The following CFAP299 variants were observed in gnomAD, a reference collection of about 807,000 sequenced individuals.
The protein encoded by CFAP299 is cilia and flagella associated protein 299.
Under a neutral mutation model 27.0 loss-of-function variants are expected in CFAP299, and 21 were observed. The observed-to-expected ratio is 0.78, with a 90% CI of 0.55 to 1.12. The LOEUF is 1.12. CFAP299 is among the 50% of genes most tolerant of loss of function. The pLI, the probability that CFAP299 is intolerant of heterozygous loss-of-function variation, is 0.00. For missense variants in CFAP299, 310 were observed against 276.6 expected (o/e 1.12, Z -0.86); for synonymous variants, 104 against 98.1 (o/e 1.06, Z -0.36).
chr4:80,584,015 C>A (rs192844984), intron 3 of CFAP299, among the ~76,000 whole-genome samples: 40 of 151,920 alleles, frequency 2.6e-4, no homozygotes, highest in African/African-American at 9.6e-4. Context: ...GCAGGCAAAA[C>A]CCTCAATGTA....
chr4:80,529,034 TG>T (rs1733327632), intron 2 of CFAP299, among the ~76,000 whole-genome samples: 1 of 152,168 alleles, frequency 6.6e-6, no homozygotes, highest in South Asian at 2.1e-4. Context: ...CTTCTTTACT[TG>T]CCTTCAAAAT....
intron 2 of CFAP299, among the ~76,000 whole-genome samples, chr4:80,506,655 T>A (rs915076581): frequency 6.6e-6 from 1 of 152,090 alleles, no homozygotes; most frequent in Admixed American, 6.6e-5. Context: ...GTAGAAAAAA[T>A]TTGTCTTTGT....
chr4:80,532,395 T>C (rs190875965), intron 2 of CFAP299, among the ~76,000 whole-genome samples: 1 of 152,322 alleles, frequency 6.6e-6, no homozygotes, highest in East Asian at 1.9e-4. Context: ...ATAATCTTTT[T>C]GACTTTTTAA....
chr4:80,657,910 G>C (rs1277663693), intron 3 of CFAP299, among the ~76,000 whole-genome samples: 1 of 152,018 alleles, frequency 6.6e-6, no homozygotes, highest in Admixed American at 6.6e-5. Context: ...ATTTCCTTGA[G>C]CTCTGGTTTG....
At chr4:80,425,347 T>C (rs1463019867) in intron 2 of CFAP299, among the ~76,000 whole-genome samples, 1 of 152,216 alleles carries the variant, frequency 6.6e-6, no homozygotes, top group East Asian at 1.9e-4. Context: ...AACAAATTCT[T>C]AGGTCTTGCT....
chr4:80,808,128 G>A (rs1000539565), intron 3 of CFAP299, among the ~76,000 whole-genome samples: 1 of 151,846 alleles, frequency 6.6e-6, no homozygotes, highest in African/African-American at 2.4e-5. Flanking sequence ...ATATTCAAAA[G>A]TTCATATAGT....
At chr4:80,723,831 T>TA (rs1162128031) in intron 3 of CFAP299, among the ~76,000 whole-genome samples, 1 of 151,978 alleles carries the variant, frequency 6.6e-6, no homozygotes, top group African/African-American at 2.4e-5. Context: ...AATGTAAAAG[T>TA]AAAGATTAAT....
intron 2 of CFAP299, among the ~76,000 whole-genome samples, chr4:80,550,343 T>A (rs1734438137): frequency 6.6e-6 from 1 of 152,062 alleles, no homozygotes; most frequent in African/African-American, 2.4e-5. Flanking sequence ...GCAGGTTATC[T>A]CGTTTTATTG....
intron 3 of CFAP299, among the ~76,000 whole-genome samples, chr4:80,730,943 C>T (rs1181423058): frequency 1.3e-5 from 2 of 152,128 alleles, no homozygotes; most frequent in Non-Finnish European, 2.9e-5. Flanking sequence ...CTATTTAGTC[C>T]ATCCTCTGAG....
chr4:80,391,636 T>C (rs1021648310), intron 2 of CFAP299, among the ~76,000 whole-genome samples: 4 of 152,322 alleles, frequency 2.6e-5, no homozygotes, highest in Non-Finnish European at 4.4e-5. Flanking sequence ...GTGGTGATGC[T>C]GGTGTAAAGA....
At chr4:80,330,134 C>G in the CFAP299 span, among the ~76,000 whole-genome samples, 2 of 152,044 alleles carry the variant, frequency 1.3e-5, no homozygotes, top group Non-Finnish European at 2.9e-5. Flanking sequence ...GTGCAATAAA[C>G]TTGAAATCAG....
chr4:80,678,167 G>A (rs1719592963), intron 3 of CFAP299, among the ~76,000 whole-genome samples: 1 of 151,724 alleles, frequency 6.6e-6, no homozygotes, highest in Admixed American at 6.6e-5. Context: ...GGTTTTAATT[G>A]TCTCCTCTTC....
chr4:80,474,824 A>T (rs1400583454), intron 2 of CFAP299, among the ~76,000 whole-genome samples: 1 of 152,216 alleles, frequency 6.6e-6, no homozygotes, highest in Non-Finnish European at 1.5e-5. Context: ...ACCTGTGTTC[A>T]TGGGGCTTAT....
chr4:80,490,163 G>A (rs1484346318), intron 2 of CFAP299, among the ~76,000 whole-genome samples: 1 of 152,100 alleles, frequency 6.6e-6, no homozygotes, highest in Non-Finnish European at 1.5e-5. Flanking sequence ...CTTATATGCT[G>A]TAAAACTCTA....
At chr4:80,422,374 A>T (rs78196252) in intron 2 of CFAP299, among the ~76,000 whole-genome samples, 4 of 125,918 alleles carry the variant, frequency 3.2e-5, no homozygotes, top group Non-Finnish European at 6.2e-5. Flanking sequence ...TGCTAAAATT[A>T]AAAAAAAAAA....
chr4:80,890,741 A>G (rs1734228888), intron 4 of CFAP299, among the ~76,000 whole-genome samples: 1 of 150,516 alleles, frequency 6.6e-6, no homozygotes, highest in Admixed American at 6.6e-5. Flanking sequence ...TGACTTTTTA[A>G]TGATTGCCAT....
At chr4:80,885,118 T>A (rs926837979) in intron 4 of CFAP299, among the ~76,000 whole-genome samples, 1 of 152,024 alleles carries the variant, frequency 6.6e-6, no homozygotes, top group African/African-American at 2.4e-5. Flanking sequence ...CAGCAGATAA[T>A]AAGGACTTGC....
intron 3 of CFAP299, among the ~76,000 whole-genome samples, chr4:80,860,899 A>C (rs934762783): frequency 1.3e-5 from 2 of 152,178 alleles, no homozygotes; most frequent in Admixed American, 6.5e-5. Context: ...CCATTCTCAG[A>C]TCTTCAGCTG....
chr4:80,784,156 A>C (rs1462424080), intron 3 of CFAP299, among the ~76,000 whole-genome samples: 2 of 152,156 alleles, frequency 1.3e-5, no homozygotes, highest in Non-Finnish European at 2.9e-5. Context: ...ATACTGCTGC[A>C]ATGAACATGG....
Sources: gnomAD v4.1 joint callset for allele counts (sites outside exome capture counted in the v4.1 genomes callset) on GRCh38, gnomAD v4.1.1 for gene constraint, MANE v1.5 for transcripts, NCBI Gene and HGNC (gene_info 2026-07-23, HGNC 2026-07-21) for gene names.